The following PIK3C2G variants were observed in gnomAD, a reference collection of about 807,000 sequenced individuals.
The protein encoded by PIK3C2G is phosphatidylinositol-4-phosphate 3-kinase catalytic subunit type 2 gamma, also known as phosphatidylinositol 3-kinase C2 domain-containing subunit gamma.
A neutral mutation model predicts 181.1 loss-of-function variants in PIK3C2G; 168 were observed. That is an observed-to-expected ratio of 0.93 (90% CI 0.82 to 1.05). The LOEUF is 1.05. PIK3C2G is among the 50% of genes least tolerant of loss of function. PIK3C2G has a pLI of 0.00. For synonymous variants in PIK3C2G, 573 were observed against 592.2 expected, an observed-to-expected ratio of 0.97 and a Z score of 0.47; for missense variants, 1,869 against 1,732.8, an observed-to-expected ratio of 1.08 and a Z score of -1.40.
intron 16 of PIK3C2G, among the ~76,000 whole-genome samples, chr12:18,419,614 C>T (rs1380290417): frequency 6.6e-6 from 1 of 152,184 alleles, no homozygotes; most frequent in Non-Finnish European, 1.5e-5. Context: ...TGCAATACTT[C>T]ACCAAATGTG....
At chr12:18,487,100 G>GTGTA (rs1940121359) in intron 18 of PIK3C2G, among the ~76,000 whole-genome samples, 1 of 142,350 alleles carries the variant, frequency 7.0e-6, no homozygotes, top group Non-Finnish European at 1.5e-5. Flanking sequence ...GGTATTTTGT[G>GTGTA]TGTGTGTGTG....
rs1951219037 is a variant in PIK3C2G at position 18,323,989 on chromosome 12, G to A, written c.1209-1046G>A. 2.0e-5 allele frequency among the ~76,000 whole-genome samples: 3 copies of A among 152,200 alleles called. No homozygotes were observed. The South Asian group carries it at 6.2e-4, about 32-fold the overall frequency. ...TAATCCCAGCACTTTGGGACGCCGA[G>A]GTGGGCGGATCATGAGGTCAGGAGA... On this transcript the variant is annotated intron_variant, in intron 7 of 32. Coordinates refer to ENST00000538779, the MANE Select transcript of PIK3C2G (RefSeq NM_001288772.2).
At chr12:18,459,757 T>C (rs775004822) in intron 18 of PIK3C2G, among the ~76,000 whole-genome samples, 9 of 152,172 alleles carry the variant, frequency 5.9e-5, no homozygotes, top group Admixed American at 2.0e-4. Flanking sequence ...CATCAAATGC[T>C]ATACTAAAGC....
At chr12:18,303,419 C>CA (rs796562529) in intron 5 of PIK3C2G, among the ~76,000 whole-genome samples, 27 of 152,080 alleles carry the variant, frequency 1.8e-4, no homozygotes, top group African/African-American at 6.0e-4. Context: ...ACCGCAACCC[C>CA]AGCCTCCCAA....
At chr12:18,570,001 C>G (rs1380669269) in intron 29 of PIK3C2G, among the ~76,000 whole-genome samples, 3 of 151,996 alleles carry the variant, frequency 2.0e-5, no homozygotes, top group African/African-American at 7.3e-5. Flanking sequence ...TGTACCTTGT[C>G]CCTTTGCTCT....
At chr12:18,684,338 G>C in the PIK3C2G span, 2 of 1,493,384 alleles carry the variant, frequency 1.3e-6, no homozygotes, top group African/African-American at 2.8e-5. Context: ...GGAAAAAATA[G>C]ATTACATTTG....
the PIK3C2G span, among the ~76,000 whole-genome samples, chr12:18,657,700 C>T: frequency 6.6e-6 from 1 of 152,072 alleles, no homozygotes; most frequent in African/African-American, 2.4e-5. Flanking sequence ...CAACAACAAA[C>T]CCCCAAGGAA....
rs370297186 is a variant in PIK3C2G, at chr12:18,402,430, T to C, written c.2315+2583T>C. 3.9e-5 allele frequency among the ~76,000 whole-genome samples: 6 copies of C among 152,266 alleles called. 1 individual carries two copies. In the South Asian group the frequency reaches 6.2e-4, roughly 16 times the overall value. The stretch of plus-strand genomic sequence containing the variant: ...GGTATGAGGTTTCCTTTTGTGGTTA[T>C]AATTGATATAATTGTTGCACAAATC... On this transcript the variant is annotated intron_variant, in intron 16 of 32. Coordinates refer to ENST00000538779, the MANE Select transcript of PIK3C2G (RefSeq NM_001288772.2).
In PIK3C2G at chr12:18,611,874, A is replaced by G. The variant is rs146017067; in HGVS notation, c.4182+2245A>G. Among the ~76,000 whole-genome samples, 626 of 152,272 alleles carry G rather than the reference A, an allele frequency of 4.1e-3. 1 individual carries two copies. Among genetic ancestry groups the G allele is most frequent in the African/African-American group, 0.014 (567 of 41,562 alleles). The stretch of plus-strand genomic sequence containing the variant: ...AGCATCTCTTACTTGAATTACTGCT[A>G]TAGTTTCTTAACAGTTGTCCCTGCT... On this transcript the variant is annotated intron_variant, in intron 31 of 32. Transcript: ENST00000538779.
At chr12:18,604,030 A>G (rs143304014) in intron 30 of PIK3C2G, among the ~76,000 whole-genome samples, 94 of 152,368 alleles carry the variant, frequency 6.2e-4, no homozygotes, top group African/African-American at 2.1e-3. Context: ...TGATGAATGC[A>G]ATGGTACCTC....
chr12:18,644,892 T>C (rs1591760274), intron 32 of PIK3C2G, among the ~76,000 whole-genome samples: 1 of 152,166 alleles, frequency 6.6e-6, no homozygotes, highest in African/African-American at 2.4e-5. Flanking sequence ...CCTATCTTAT[T>C]GTCCTCTCAT....
chr12:18,273,555 A>G (rs1169619365), intron 1 of PIK3C2G, among the ~76,000 whole-genome samples: 9 of 152,154 alleles, frequency 5.9e-5, no homozygotes, highest in Non-Finnish European at 1.2e-4. Flanking sequence ...TCTATAAATT[A>G]CCTAGGGCAG....
At chr12:18,291,791 G>A (rs1949700201) in intron 4 of PIK3C2G, among the ~76,000 whole-genome samples, 1 of 151,140 alleles carries the variant, frequency 6.6e-6, no homozygotes, top group South Asian at 2.1e-4. Flanking sequence ...AAGGTTCTCA[G>A]CTAATGCAGA....
intron 31 of PIK3C2G, among the ~76,000 whole-genome samples, chr12:18,639,818 A>T (rs1414909614): frequency 1.3e-5 from 2 of 152,164 alleles, no homozygotes; most frequent in Non-Finnish European, 2.9e-5. Context: ...GCCTTAGGCA[A>T]CTTTTGGAGC....
chr12:18,508,953 C>T (rs1451749258), intron 24 of PIK3C2G, among the ~76,000 whole-genome samples: 1 of 152,136 alleles, frequency 6.6e-6, no homozygotes, highest in Admixed American at 6.5e-5. Context: ...ACACGTGTTT[C>T]TTCTATTGTC....
chr12:18,429,736 C>A (rs1053501731), intron 18 of PIK3C2G, among the ~76,000 whole-genome samples: 1 of 152,066 alleles, frequency 6.6e-6, no homozygotes, highest in Non-Finnish European at 1.5e-5. Context: ...TCTGTAAGGC[C>A]ATCAATATTT....
the PIK3C2G span, among the ~76,000 whole-genome samples, chr12:18,707,066 ATCTC>A: frequency 6.6e-6 from 1 of 152,022 alleles, no homozygotes; most frequent in East Asian, 1.9e-4. Context: ...GGTGTATCAA[ATCTC>A]TCTCTACTTC....
In PIK3C2G at chr12:18,488,643, T is replaced by G; in HGVS notation, c.2685+14T>G. On this transcript the variant is annotated intron_variant, in intron 19 of 32. Coordinates refer to ENST00000538779, the MANE Select transcript of PIK3C2G (RefSeq NM_001288772.2). ...CATCAAAGACAGGTTTGTTGAAATA[T>G]TAATATTCAGGTAGTAATGTTTTTA... 2 of 1,443,408 alleles carry G rather than the reference T, an allele frequency of 1.4e-6. No homozygotes were observed. The highest frequency in any genetic ancestry group is 1.8e-6 in the Non-Finnish European group (2 of 1,083,772). 89.4% of individuals were successfully genotyped at this position (1,443,408 alleles called of 1,614,324 possible). A position where few individuals can be genotyped will look rare whatever the true frequency, so the allele number is the denominator to read the frequency against.
At position 18,405,400 on chromosome 12, in the gene PIK3C2G, T is replaced by TGG. The variant is rs1565685047; in HGVS notation, c.2315+5553_2315+5554insGG. ...ACTCTGGAGAACAGCAACATTTGTG[T>TGG]TGTTGTTGTTGTTGTTGTTGTTGTT... On this transcript the variant is annotated intron_variant, in intron 16 of 32. Transcript: ENST00000538779. 5.1e-3 allele frequency among the ~76,000 whole-genome samples: 569 copies of TGG among 111,966 alleles called. 4 individuals carry two copies. The highest frequency in any genetic ancestry group is 0.021 in the African/African-American group (512 of 23,948). 73.5% of individuals were successfully genotyped at this position (111,966 alleles called of 152,430 possible). A position where few individuals can be genotyped will look rare whatever the true frequency, so the allele number is the denominator to read the frequency against.
Sources: gnomAD v4.1 joint callset for allele counts (sites outside exome capture counted in the v4.1 genomes callset) on GRCh38, gnomAD v4.1.1 for gene constraint, MANE v1.5 for transcripts, NCBI Gene and HGNC (gene_info 2026-07-23, HGNC 2026-07-21) for gene names.